EPHA6: variants seen among roughly 807,000 people sequenced by gnomAD.
EPHA6 encodes the protein EPH receptor A6, also known as ephrin type-A receptor 6.
A neutral mutation model predicts 112.0 loss-of-function variants in EPHA6; 50 were observed. The observed-to-expected ratio is 0.45, with a 90% CI of 0.36 to 0.56. The LOEUF is 0.56. Ranked by LOEUF, EPHA6 falls within the 20% of genes least tolerant of loss-of-function variation. The pLI, the probability that EPHA6 is intolerant of heterozygous loss-of-function variation, is 0.00. For synonymous variants in EPHA6, 529 were observed against 490.7 expected (o/e 1.08, Z -1.03); for missense variants, 1,280 against 1,417.4 (o/e 0.90, Z 1.56).
intron 16 of EPHA6, among the ~76,000 whole-genome samples, chr3:97,741,537 G>A (rs1362258434): frequency 6.6e-6 from 1 of 152,114 alleles, no homozygotes; most frequent in East Asian, 1.9e-4. Flanking sequence ...GGCTTTTATT[G>A]GTTATGTCAC....
intron 2 of EPHA6, among the ~76,000 whole-genome samples, chr3:96,899,006 C>A (rs887338668): frequency 6.8e-6 from 1 of 147,594 alleles, no homozygotes; most frequent in African/African-American, 2.5e-5. Context: ...CCAGCCTGGG[C>A]GACAGAGCGA....
At chr3:97,476,963 G>GA (rs35038818) in intron 8 of EPHA6, among the ~76,000 whole-genome samples, 2 of 151,916 alleles carry the variant, frequency 1.3e-5, no homozygotes, top group Non-Finnish European at 2.9e-5. Context: ...CAGTAACAAG[G>GA]AAAAAAACAG....
At position 97,753,242 on chromosome 3, in the gene EPHA6, T is replaced by G. The variant is rs138946167; in HGVS notation, c.*4541T>G. Among the ~76,000 whole-genome samples, 4 of 152,292 alleles carry G rather than the reference T, an allele frequency of 2.6e-5. No homozygotes were observed. The East Asian group carries it at 7.7e-4, about 29-fold the overall frequency. On this transcript the variant is annotated 3_prime_UTR_variant, in exon 18 of 18. Transcript: ENST00000389672. ...AAGATACGTTTGGCTGTGCTGTCAT[T>G]GCTTTCAAGTAACTCTCATTATTAA...
chr3:97,044,101 T>A (rs574490279), intron 3 of EPHA6, among the ~76,000 whole-genome samples: 16 of 152,240 alleles, frequency 1.1e-4, no homozygotes, highest in Non-Finnish European at 2.1e-4. Flanking sequence ...CAGATGATGC[T>A]TTCCAAACCT....
At chr3:97,213,338 A>G (rs1274062510) in intron 3 of EPHA6, among the ~76,000 whole-genome samples, 1 of 152,238 alleles carries the variant, frequency 6.6e-6, no homozygotes, top group Non-Finnish European at 1.5e-5. Flanking sequence ...CCACAGCTTC[A>G]GTGAACAAAC....
chr3:97,663,154 G>A (rs2080102758), intron 14 of EPHA6, among the ~76,000 whole-genome samples: 2 of 152,158 alleles, frequency 1.3e-5, no homozygotes, highest in East Asian at 1.9e-4. Context: ...TAGGACAAAG[G>A]GGAAGGAAAG....
chr3:96,823,666 A>G (rs887210297), intron 1 of EPHA6, among the ~76,000 whole-genome samples: 4 of 151,866 alleles, frequency 2.6e-5, no homozygotes, highest in African/African-American at 9.7e-5. Context: ...TTTTTGAAAT[A>G]AAATGAAATC....
At chr3:97,627,449 G>A (rs1415720972) in intron 13 of EPHA6, among the ~76,000 whole-genome samples, 2 of 151,746 alleles carry the variant, frequency 1.3e-5, no homozygotes, top group African/African-American at 4.8e-5. Flanking sequence ...GAAGGTAAGG[G>A]AGCAAATAAA....
chr3:97,690,005 T>C (rs2032546610), intron 14 of EPHA6, among the ~76,000 whole-genome samples: 1 of 152,246 alleles, frequency 6.6e-6, no homozygotes, highest in African/African-American at 2.4e-5. Flanking sequence ...TGTATGAATA[T>C]ACCACATTTT....
In EPHA6 at chr3:97,658,643, G is replaced by A. The variant is rs549719920; in HGVS notation, c.2784+20561G>A. On this transcript the variant is annotated intron_variant, in intron 14 of 17. Coordinates refer to ENST00000389672, the MANE Select transcript of EPHA6 (RefSeq NM_001080448.3). ...TACCTTACGGGAAATAGAAGAAACC[G>A]TGGGAATTGCAGTTTCAAGAGTTTT... Among the ~76,000 whole-genome samples, 6 of 152,048 alleles carry A rather than the reference G, an allele frequency of 3.9e-5. No homozygotes were observed. The South Asian group carries it at 6.2e-4, about 16-fold the overall frequency.
At chr3:96,818,382 G>A (rs1290376529) in intron 1 of EPHA6, among the ~76,000 whole-genome samples, 2 of 151,924 alleles carry the variant, frequency 1.3e-5, no homozygotes, top group Admixed American at 1.3e-4. Context: ...ATTCAATTAA[G>A]TCAAAGTATG....
At chr3:97,145,641 G>T (rs1181115766) in intron 3 of EPHA6, among the ~76,000 whole-genome samples, 2 of 151,006 alleles carry the variant, frequency 1.3e-5, no homozygotes, top group Non-Finnish European at 3.0e-5. Flanking sequence ...ATTTGTCATT[G>T]AAAGAATTTG....
chr3:97,147,738 G>C (rs922383685), intron 3 of EPHA6, among the ~76,000 whole-genome samples: 1 of 151,978 alleles, frequency 6.6e-6, no homozygotes, highest in Admixed American at 6.6e-5. Flanking sequence ...CAGCATATCT[G>C]GTCAGTACAC....
intron 5 of EPHA6, among the ~76,000 whole-genome samples, chr3:97,288,813 T>A (rs558195467): frequency 1.3e-5 from 2 of 152,280 alleles, no homozygotes; most frequent in South Asian, 4.2e-4. Context: ...TTATTTGCAT[T>A]TTTCTGATGA....
At chr3:97,597,750 A>G (rs1036548268) in intron 12 of EPHA6, among the ~76,000 whole-genome samples, 5 of 152,256 alleles carry the variant, frequency 3.3e-5, no homozygotes, top group African/African-American at 1.2e-4. Flanking sequence ...TGTATTCACT[A>G]TTATACAGTC....
intron 1 of EPHA6, among the ~76,000 whole-genome samples, chr3:96,825,967 C>T (rs1242602054): frequency 6.6e-6 from 1 of 151,614 alleles, no homozygotes; most frequent in African/African-American, 2.4e-5. Context: ...CTACTGATAA[C>T]GCTAATAGAT....
At chr3:97,602,607 T>A (rs1009320570) in intron 12 of EPHA6, among the ~76,000 whole-genome samples, 2 of 152,062 alleles carry the variant, frequency 1.3e-5, no homozygotes, top group South Asian at 2.1e-4. Flanking sequence ...AAACTCTCAG[T>A]GCATCAGTAA....
At chr3:97,055,692 G>A (rs1052358494) in intron 3 of EPHA6, among the ~76,000 whole-genome samples, 3 of 152,060 alleles carry the variant, frequency 2.0e-5, no homozygotes, top group African/African-American at 4.8e-5. Flanking sequence ...TTTTCTAATA[G>A]CAAATCATGT....
intron 2 of EPHA6, among the ~76,000 whole-genome samples, chr3:96,882,956 G>T (rs1319182668): frequency 6.6e-6 from 1 of 152,126 alleles, no homozygotes; most frequent in Non-Finnish European, 1.5e-5. Context: ...TAGTGGGATT[G>T]CTGGATCAAA....
Sources: allele counts gnomAD v4.1 joint callset (sites outside exome capture counted in the v4.1 genomes callset), GRCh38; gene constraint gnomAD v4.1.1; transcripts MANE v1.5; gene names NCBI Gene and HGNC (gene_info 2026-07-23, HGNC 2026-07-21).